The following FNDC3A variants were observed in gnomAD, a reference collection of about 807,000 sequenced individuals.
FNDC3A encodes the protein fibronectin type-III domain-containing protein 3A.
Under a neutral mutation model 148.9 loss-of-function variants are expected in FNDC3A, and 32 were observed. The observed-to-expected ratio is 0.21, with a 90% confidence interval of 0.16 to 0.29. The LOEUF (loss-of-function observed/expected upper bound fraction) is 0.29, where lower values mean the gene tolerates loss of function less well. Among genes scored for constraint, FNDC3A ranks in the 10% least tolerant of loss-of-function variants. The probability of loss-of-function intolerance (pLI) is 1.00; values close to 1 mark genes in which losing one functional copy is unlikely to be tolerated. For missense variants in FNDC3A, 1,191 were observed against 1,452.8 expected, an observed-to-expected ratio of 0.82 and a Z score of 2.93; for synonymous variants, 472 against 473.6, an observed-to-expected ratio of 1.00 and a Z score of 0.04.
At chr13:49,206,930 TG>T in intron 25 of FNDC3A, 150 bp from the exon 26 acceptor site, 1 of 621,410 alleles carries the variant, frequency 1.6e-6, no homozygotes, top group East Asian at 2.7e-5. Flanking sequence ...AGTACTTTAA[TG>T]GACAGGTATT....
intron 1 of FNDC3A, among the ~76,000 whole-genome samples, chr13:48,989,892 C>T (rs1464980115): frequency 6.6e-6 from 1 of 152,046 alleles, no homozygotes; most frequent in Non-Finnish European, 1.5e-5. Context: ...GCTGGGATTA[C>T]AGGTGCATGC....
At chr13:49,161,580 T>A (rs968807129) in intron 8 of FNDC3A, among the ~76,000 whole-genome samples, 5 of 152,210 alleles carry the variant, frequency 3.3e-5, no homozygotes, top group Non-Finnish European at 7.3e-5. Flanking sequence ...CTGTGTTTTT[T>A]AATTGGGGCA....
intron 2 of FNDC3A, among the ~76,000 whole-genome samples, chr13:49,015,537 G>A (rs991617124): frequency 1.6e-4 from 25 of 152,282 alleles, no homozygotes; most frequent in Non-Finnish European, 2.4e-4. Flanking sequence ...CAATCATGTC[G>A]TCTGCAAACG....
chr13:49,053,165 C>G (rs1322410824), intron 2 of FNDC3A, among the ~76,000 whole-genome samples: 1 of 152,222 alleles, frequency 6.6e-6, no homozygotes, highest in African/African-American at 2.4e-5. Flanking sequence ...ATTCAGAAAG[C>G]AAGCAGACTC....
At chr13:49,010,452 C>G (rs1191899903) in intron 2 of FNDC3A, among the ~76,000 whole-genome samples, 4 of 152,146 alleles carry the variant, frequency 2.6e-5, no homozygotes, top group African/African-American at 9.7e-5. Flanking sequence ...AGTGAGGCCA[C>G]AGGTGCCAGA....
intron 8 of FNDC3A, among the ~76,000 whole-genome samples, chr13:49,159,531 G>A (rs1204358442): frequency 2.6e-5 from 4 of 152,092 alleles, no homozygotes; most frequent in African/African-American, 4.8e-5. Context: ...GAGACACTGG[G>A]GTTTTCTAAA....
At chr13:49,057,836 A>AGC (rs1481671785) in intron 2 of FNDC3A, among the ~76,000 whole-genome samples, 11 of 152,188 alleles carry the variant, frequency 7.2e-5, no homozygotes, top group Admixed American at 2.6e-4. Context: ...TTTCTGATTA[A>AGC]GCAGTTCTCT....
At chr13:49,183,731 G>A (rs890767486) in intron 14 of FNDC3A, among the ~76,000 whole-genome samples, 3 of 152,194 alleles carry the variant, frequency 2.0e-5, no homozygotes, top group Non-Finnish European at 4.4e-5. Context: ...AAATCCATGT[G>A]ACTGTGAGAG....
chr13:49,200,518 G>A (rs1203932826), intron 23 of FNDC3A, among the ~76,000 whole-genome samples: 1 of 151,942 alleles, frequency 6.6e-6, no homozygotes, highest in Non-Finnish European at 1.5e-5. Flanking sequence ...CAAATTAATT[G>A]TTTAAATTTT....
At chr13:48,997,649 A>G (rs1952047246) in intron 1 of FNDC3A, among the ~76,000 whole-genome samples, 1 of 152,168 alleles carries the variant, frequency 6.6e-6, no homozygotes, top group Admixed American at 6.5e-5. Context: ...AGCCAGAAAG[A>G]GGGTTCTTAC....
At chr13:49,075,827 C>G (rs1187446780) in intron 3 of FNDC3A, among the ~76,000 whole-genome samples, 4 of 146,850 alleles carry the variant, frequency 2.7e-5, no homozygotes, top group Non-Finnish European at 4.5e-5. Context: ...CCCCACCCCC[C>G]CTTTCAGATC....
intron 1 of FNDC3A, among the ~76,000 whole-genome samples, chr13:49,000,898 A>G (rs1250397952): frequency 6.6e-6 from 1 of 151,926 alleles, no homozygotes; most frequent in Non-Finnish European, 1.5e-5. Flanking sequence ...ATGAATTTTT[A>G]TGTATTGATT....
chr13:49,096,991 CTG>C (rs1314782355), intron 3 of FNDC3A, among the ~76,000 whole-genome samples: 1 of 152,050 alleles, frequency 6.6e-6, no homozygotes, highest in African/African-American at 2.4e-5. Context: ...AACGGAAAAA[CTG>C]TGATTAGAGA....
At chr13:49,147,808 A>G (rs1432091764) in intron 8 of FNDC3A, among the ~76,000 whole-genome samples, 2 of 152,210 alleles carry the variant, frequency 1.3e-5, no homozygotes, top group Admixed American at 1.3e-4. Context: ...AAATCTCCAC[A>G]CTTGTATCCA....
chr13:49,056,058 G>A lies in FNDC3A; in HGVS notation c.100-19231G>A, dbSNP rs368626690. On this transcript the variant is annotated intron_variant, in intron 2 of 25. Coordinates refer to ENST00000492622, the MANE Select transcript of FNDC3A (RefSeq NM_001079673.2). ...AAAAATTAACTGGGTGTAGTGGCAC[G>A]CGCCTGTAGTCCCAGCTACTCAGAG... Among the ~76,000 whole-genome samples, 157 of 151,976 alleles carry A rather than the reference G, an allele frequency of 1.0e-3. 1 individual carries two copies. Among genetic ancestry groups the A allele is most frequent in the African/African-American group, 3.5e-3 (146 of 41,446 alleles).
At chr13:49,125,085 A>G (rs1318728194) in intron 4 of FNDC3A, among the ~76,000 whole-genome samples, 1 of 152,142 alleles carries the variant, frequency 6.6e-6, no homozygotes, top group Non-Finnish European at 1.5e-5. Context: ...GGGGAAAGAA[A>G]CTATATCGAC....
chr13:49,065,862 T>C (rs1877229382), intron 2 of FNDC3A, among the ~76,000 whole-genome samples: 1 of 152,190 alleles, frequency 6.6e-6, no homozygotes, highest in African/African-American at 2.4e-5. Flanking sequence ...AAAAAAATTA[T>C]TTTCTTAGAC....
intron 1 of FNDC3A, among the ~76,000 whole-genome samples, chr13:48,992,174 A>G (rs1190189768): frequency 2.6e-5 from 4 of 152,242 alleles, no homozygotes; most frequent in Admixed American, 6.5e-5. Context: ...TGGAAAGTAG[A>G]AAGAATGTAA....
At chr13:48,989,754 CT>C (rs35947839) in intron 1 of FNDC3A, among the ~76,000 whole-genome samples, 20,423 of 143,558 alleles carry the variant, frequency 0.14, 1,474 homozygotes, top group African/African-American at 0.24. Context: ...TTAAAGATAA[CT>C]TTTTTTTTTT....
Sources: allele counts gnomAD v4.1 joint callset (sites outside exome capture counted in the v4.1 genomes callset), GRCh38; gene constraint gnomAD v4.1.1; transcripts MANE v1.5; gene names NCBI Gene and HGNC (gene_info 2026-07-23, HGNC 2026-07-21).